Variants in PRUNE1 observed in about 807,000 individuals in gnomAD.
The protein encoded by PRUNE1 is prune exopolyphosphatase 1, also known as exopolyphosphatase PRUNE1.
In PRUNE1, 25 loss-of-function variants were observed where a neutral mutation model predicts 42.5. The ratio of observed to expected loss-of-function variants is 0.59; its 90% CI spans 0.43 to 0.82. The LOEUF is 0.82. Ranked by LOEUF, PRUNE1 falls within the 40% of genes least tolerant of loss-of-function variation. The probability of loss-of-function intolerance (pLI) is 0.00; values close to 1 mark genes in which losing one functional copy is unlikely to be tolerated. For synonymous variants in PRUNE1, 203 were observed against 217.1 expected (o/e 0.93, Z 0.57); for missense variants, 443 against 539.3 (o/e 0.82, Z 1.77).
chr1:151,023,043 G>GACATGGAA (rs1466271648), intron 3 of PRUNE1, among the ~76,000 whole-genome samples: 2 of 152,124 alleles, frequency 1.3e-5, no homozygotes, highest in East Asian at 3.8e-4. Context: ...ATTTGAGGGA[G>GACATGGAA]AAGTAGGACA....
At position 151,033,797 on chromosome 1, in the gene PRUNE1, C is replaced by A; in HGVS notation, c.934-9C>A. 1 of 1,607,880 alleles carries A rather than the reference C, an allele frequency of 6.2e-7. No homozygotes were observed. The stretch of plus-strand genomic sequence containing the variant: ...GTGTATCATTTCCCTGTTATTGTCT[C>A]CTCTTTAGATCTGTGAAGTCCTGGA... On this transcript the variant is annotated splice_polypyrimidine_tract_variant and intron_variant, in intron 7 of 7. Coordinates refer to ENST00000271620, the MANE Select transcript of PRUNE1 (RefSeq NM_021222.3).
In PRUNE1 at chr1:151,035,545, A is replaced by T. The variant is rs967927604; in HGVS notation, c.*1311A>T. On this transcript the variant is annotated 3_prime_UTR_variant, in exon 8 of 8. Coordinates refer to ENST00000271620, the MANE Select transcript of PRUNE1 (RefSeq NM_021222.3). ...TGGGGTATGTGATGGTTTTGGCATGACATCTTCAGTATGAGGGGGACAGTT... is the reference window on the plus strand; with the variant it reads ...TGGGGTATGTGATGGTTTTGGCATGTCATCTTCAGTATGAGGGGGACAGTT... The T allele has an allele frequency of 6.6e-6, 1 of 152,594 alleles. No homozygotes were observed. The highest frequency in any genetic ancestry group is 2.4e-5 in the African/African-American group (1 of 41,424). 9.5% of individuals were successfully genotyped at this position (152,594 alleles called of 1,614,324 possible). A position where few individuals can be genotyped will look rare whatever the true frequency, so the allele number is the denominator to read the frequency against.
rs587635991 is a variant in PRUNE1 at position 151,027,188 on chromosome 1, C to T, written c.680-45C>T. 2.1e-6 allele frequency: 3 copies of T among 1,453,482 alleles called. No individual in the cohort carries two copies. The East Asian group carries it at 6.9e-5, about 33-fold the overall frequency. 90.0% of individuals were successfully genotyped at this position (1,453,482 alleles called of 1,614,324 possible). A position where few individuals can be genotyped will look rare whatever the true frequency, so the allele number is the denominator to read the frequency against. ...GTCCTTGCCTTCTTGGTCTTGGGAC[C>T]CTGGCCTACCCTGTTTGACCCCTAG... On this transcript the variant is annotated intron_variant, in intron 5 of 7. Transcript: ENST00000271620.
chr1:151,028,944 G>A lies in PRUNE1; in HGVS notation c.933G>A (p.Thr311=), dbSNP rs747498357. 11 of 1,611,258 alleles carry A rather than the reference G, an allele frequency of 6.8e-6. No individual in the cohort carries two copies. Among genetic ancestry groups the A allele is most frequent in the South Asian group, 1.1e-5 (1 of 90,970 alleles). ...GTCCCCATGTGGCACTCCAAACAACGGTGAGTCTGTGTCCCTTCTCCAACC... is the reference window on the plus strand; with the variant it reads ...GTCCCCATGTGGCACTCCAAACAACAGTGAGTCTGTGTCCCTTCTCCAACC... ...IFCPHVALQT[T]ICEVLERSHS... is the part of the protein sequence containing the mutation. The change falls in exon 7 of 8, where the codon ACG becomes ACA. Residue 311 remains threonine, a splice_region_variant and synonymous_variant. Transcript: ENST00000271620.
At chr1:151,020,105 T>C (rs1318810182) in intron 3 of PRUNE1, among the ~76,000 whole-genome samples, 1 of 139,540 alleles carries the variant, frequency 7.2e-6, no homozygotes, top group African/African-American at 2.6e-5. Flanking sequence ...AGTGGTGGGA[T>C]TACAGGCGTG....
chr1:151,027,056 G>C (rs1449058355), intron 5 of PRUNE1, among the ~76,000 whole-genome samples, 177 bp from the exon 6 acceptor site: 1 of 151,912 alleles, frequency 6.6e-6, no homozygotes, highest in African/African-American at 2.4e-5. Flanking sequence ...AAAGTGCTGG[G>C]ATTACAGGCC....
chr1:151,010,292 C>G (rs1170598137), intron 1 of PRUNE1, among the ~76,000 whole-genome samples: 3 of 152,096 alleles, frequency 2.0e-5, no homozygotes, highest in Non-Finnish European at 4.4e-5. Flanking sequence ...CCATGCTGCC[C>G]AATCTGGTTT....
intron 1 of PRUNE1, among the ~76,000 whole-genome samples, chr1:151,016,990 A>C (rs138471600): frequency 6.6e-6 from 1 of 150,540 alleles, no homozygotes; most frequent in Non-Finnish European, 1.5e-5. Context: ...GAGAAACCCC[A>C]TCTCTACTAA....
intron 1 of PRUNE1, among the ~76,000 whole-genome samples, chr1:151,015,521 C>T (rs587693100): frequency 1.3e-5 from 2 of 151,246 alleles, no homozygotes; most frequent in East Asian, 3.9e-4. Context: ...GTAATCCCAG[C>T]TACTCAGGAG....
At position 151,018,456 on chromosome 1, in the gene PRUNE1, T is replaced by C; in HGVS notation, c.133-11T>C. The C allele has an allele frequency of 6.2e-7, 1 of 1,601,282 alleles. No homozygotes were observed. The highest frequency in any genetic ancestry group is 1.1e-5 in the South Asian group (1 of 90,780). On this transcript the variant is annotated splice_polypyrimidine_tract_variant and intron_variant, in intron 2 of 7. Coordinates refer to ENST00000271620, the MANE Select transcript of PRUNE1 (RefSeq NM_021222.3). ...AACCTTGTGATACCTTCTTTTCACT[T>C]TCCTATCTAGACAACTGAGGCTGAG...
chr1:151,021,395 C>T (rs1445813422), intron 3 of PRUNE1, among the ~76,000 whole-genome samples: 1 of 152,100 alleles, frequency 6.6e-6, no homozygotes, highest in Non-Finnish European at 1.5e-5. Context: ...CCAGAGGTTG[C>T]GGTGAGCCGA....
chr1:151,033,255 T>G (rs587625640), intron 7 of PRUNE1, among the ~76,000 whole-genome samples: 1 of 149,706 alleles, frequency 6.7e-6, no homozygotes, highest in African/African-American at 2.5e-5. Flanking sequence ...CTGGCTAATT[T>G]TGTATTTTTA....
At chr1:151,019,709 C>T (rs1674306257) in intron 3 of PRUNE1, among the ~76,000 whole-genome samples, 1 of 151,668 alleles carries the variant, frequency 6.6e-6, no homozygotes, top group Admixed American at 6.6e-5. Flanking sequence ...GCTATATTGC[C>T]CAGGCGGATC....
intron 7 of PRUNE1, among the ~76,000 whole-genome samples, chr1:151,031,053 G>A (rs1675209244): frequency 2.0e-5 from 3 of 152,056 alleles, no homozygotes; most frequent in Non-Finnish European, 4.4e-5. Flanking sequence ...CCTCTTCCAC[G>A]TTCCTGAATC....
At position 151,033,961 on chromosome 1, in the gene PRUNE1, T is replaced by C. The variant is rs1429756201; in HGVS notation, c.1089T>C (p.Phe363=). ...TCCAGGAAGCCCTGTCAGCATATTT[T>C]GACTCCATGAAGATCCCTTCAGGAC... ...PLLQEALSAY[F]DSMKIPSGQP... is the part of the protein sequence containing the mutation. Residue 363 remains phenylalanine, a synonymous_variant, in exon 8 of 8, where the codon TTT becomes TTC. Transcript: ENST00000271620. 1 of 1,614,170 alleles carries C rather than the reference T, an allele frequency of 6.2e-7. No individual in the cohort carries two copies. Among genetic ancestry groups the C allele is most frequent in the East Asian group, 2.2e-5 (1 of 44,874 alleles).
chr1:151,033,042 G>A (rs1571822003), intron 7 of PRUNE1, among the ~76,000 whole-genome samples: 1 of 151,836 alleles, frequency 6.6e-6, no homozygotes, highest in East Asian at 2.0e-4. Context: ...CCAAAGTGCT[G>A]GGATTACAGG....
At chr1:151,028,061 T>C (rs1316244632) in intron 6 of PRUNE1, among the ~76,000 whole-genome samples, 40 of 152,156 alleles carry the variant, frequency 2.6e-4, no homozygotes, top group Non-Finnish European at 1.5e-5. Context: ...TTCTTTTCTG[T>C]TCCTCAGAAC....
chr1:151,025,652 A>G lies in PRUNE1; in HGVS notation c.658A>G (p.Lys220Glu). ...AAATGATATATTTGATTCCCTACAA[A>G]AGGCAAAGTTTGATGTATCAGGTAT... Reference protein sequence around the residue: ...KRNDIFDSLQKAKFDVSGLTT... With the variant: ...KRNDIFDSLQEAKFDVSGLTT... The change falls in exon 5 of 8, where the codon AAG (lysine) becomes GAG (glutamate). Residue 220 changes from lysine to glutamate, a missense_variant. By Grantham distance (56) the Lys-to-Glu change is moderately conservative (BLOSUM62 1). Transcript: ENST00000271620. 6.2e-7 allele frequency: 1 copy of G among 1,613,606 alleles called. No homozygotes were observed. The highest frequency in any genetic ancestry group is 8.5e-7 in the Non-Finnish European group (1 of 1,179,758).
Position 151,028,874 on chromosome 1 carries a change from T to C in PRUNE1, c.863T>C (p.Phe288Ser), listed in dbSNP as rs1411488762. Residue 288 changes from phenylalanine to serine, a missense_variant, in exon 7 of 8, where the codon TTT becomes TCT. Physicochemically the swap from Phe to Ser is radical, Grantham distance 155. Transcript: ENST00000271620. ...SYDVLVAMTIFFNTHNEPVRQ... is the reference protein window; with the variant it reads ...SYDVLVAMTISFNTHNEPVRQ... The stretch of plus-strand genomic sequence containing the variant: ...GATGTCCTGGTTGCCATGACTATCT[T>C]TTTCAACACTCACAATGAGCCAGTG... 1 of 1,614,010 alleles carries C rather than the reference T, an allele frequency of 6.2e-7. No individual in the cohort carries two copies. The highest frequency in any genetic ancestry group is 8.5e-7 in the Non-Finnish European group (1 of 1,179,902).
Sources: gnomAD v4.1 joint callset for allele counts (sites outside exome capture counted in the v4.1 genomes callset) on GRCh38, gnomAD v4.1.1 for gene constraint, MANE v1.5 for transcripts, NCBI Gene and HGNC (gene_info 2026-07-23, HGNC 2026-07-21) for gene names.